Variants in SH3PXD2B observed in about 807,000 individuals in gnomAD.
The protein encoded by SH3PXD2B is SH3 and PX domain-containing protein 2B.
A neutral mutation model predicts 73.1 loss-of-function variants in SH3PXD2B; 37 were observed. The ratio of observed to expected loss-of-function variants is 0.51; its 90% CI spans 0.39 to 0.67. The LOEUF is 0.67. Among genes scored for constraint, SH3PXD2B ranks in the 30% least tolerant of loss-of-function variants. The probability of loss-of-function intolerance (pLI) is 0.00; values close to 1 mark genes in which losing one functional copy is unlikely to be tolerated. For missense variants in SH3PXD2B, 1,053 were observed against 1,197.8 expected, an observed-to-expected ratio of 0.88 and a Z score of 1.78; for synonymous variants, 457 against 480.5, an observed-to-expected ratio of 0.95 and a Z score of 0.64.
intron 8 of SH3PXD2B, among the ~76,000 whole-genome samples, chr5:172,354,397 G>A (rs544300161): frequency 4.6e-5 from 7 of 152,280 alleles, no homozygotes; most frequent in South Asian, 2.1e-4. Flanking sequence ...ATTGTGTTTC[G>A]TTCAGTGTGT....
At chr5:172,325,851 G>T (rs1009151153) in intron 12 of SH3PXD2B, among the ~76,000 whole-genome samples, 9 of 152,168 alleles carry the variant, frequency 5.9e-5, no homozygotes, top group Admixed American at 2.6e-4. Flanking sequence ...GCAATGACAC[G>T]ATCTCCGCTC....
chr5:172,369,498 A>C (rs1018156438), intron 6 of SH3PXD2B, among the ~76,000 whole-genome samples: 1 of 152,020 alleles, frequency 6.6e-6, no homozygotes, highest in Non-Finnish European at 1.5e-5. Flanking sequence ...TGCCGGGCGC[A>C]GTGGCTCACG....
chr5:172,384,702 G>A (rs1758021003), intron 4 of SH3PXD2B, among the ~76,000 whole-genome samples: 1 of 152,136 alleles, frequency 6.6e-6, no homozygotes, highest in Admixed American at 6.5e-5. Context: ...CCTTTTAAAG[G>A]CTGAGTAATA....
intron 3 of SH3PXD2B, among the ~76,000 whole-genome samples, chr5:172,405,188 T>C (rs1346517979): frequency 6.6e-6 from 1 of 152,242 alleles, no homozygotes; most frequent in African/African-American, 2.4e-5. Flanking sequence ...TAGGCATAAT[T>C]GCATTAAACG....
At chr5:172,328,393 C>T (rs944020052) in intron 12 of SH3PXD2B, among the ~76,000 whole-genome samples, 10 of 152,066 alleles carry the variant, frequency 6.6e-5, no homozygotes, top group South Asian at 4.1e-4. Context: ...TGTGAGCCAC[C>T]GCACCCAGCC....
At chr5:172,447,525 C>G (rs1242002936) in intron 1 of SH3PXD2B, among the ~76,000 whole-genome samples, 3 of 152,224 alleles carry the variant, frequency 2.0e-5, no homozygotes, top group Non-Finnish European at 4.4e-5. Flanking sequence ...CAATTACATG[C>G]TAGGCCCCTT....
chr5:172,354,155 C>G, intron 8 of SH3PXD2B, 150 bp from the exon 9 acceptor site: 1 of 734,170 alleles, frequency 1.4e-6, no homozygotes, highest in Non-Finnish European at 2.4e-6. Flanking sequence ...CCTGGACAGC[C>G]CTGTGCAAGC....
At chr5:172,409,825 C>T (rs1452199428) in intron 2 of SH3PXD2B, among the ~76,000 whole-genome samples, 1 of 152,218 alleles carries the variant, frequency 6.6e-6, no homozygotes, top group Admixed American at 6.5e-5. Flanking sequence ...AAGCGATTCT[C>T]CTGCCTCAGC....
intron 3 of SH3PXD2B, among the ~76,000 whole-genome samples, chr5:172,404,064 T>C (rs920269861): frequency 1.3e-5 from 2 of 152,214 alleles, no homozygotes; most frequent in African/African-American, 4.8e-5. Flanking sequence ...GGAAAGAAAA[T>C]TCCAGCATGG....
chr5:172,453,306 A>C (rs1416317772), intron 1 of SH3PXD2B, among the ~76,000 whole-genome samples: 1 of 151,986 alleles, frequency 6.6e-6, no homozygotes, highest in African/African-American at 2.4e-5. Flanking sequence ...TCTCACCGCC[A>C]GAGACACTAT....
chr5:172,437,156 C>A (rs1008673231), intron 1 of SH3PXD2B, among the ~76,000 whole-genome samples: 2 of 152,076 alleles, frequency 1.3e-5, no homozygotes, highest in African/African-American at 4.8e-5. Flanking sequence ...GGGAAAGCAA[C>A]AAGGGCAAGG....
intron 12 of SH3PXD2B, among the ~76,000 whole-genome samples, chr5:172,328,402 C>A (rs568149571): frequency 6.6e-6 from 1 of 152,136 alleles, no homozygotes; most frequent in Admixed American, 6.5e-5. Flanking sequence ...CCGCACCCAG[C>A]CGCCTAGGCT....
chr5:172,337,449 C>T lies in SH3PXD2B; in HGVS notation c.*920G>A. 5.1e-6 allele frequency: 5 copies of T among 983,448 alleles called. No individual in the cohort carries two copies. The highest frequency in any genetic ancestry group is 6.0e-6 in the Non-Finnish European group (5 of 828,158). 60.9% of individuals were successfully genotyped at this position (983,448 alleles called of 1,614,324 possible). A position where few individuals can be genotyped will look rare whatever the true frequency, so the allele number is the denominator to read the frequency against. ...ATCTATAAAGGGAGGTTGTGAGGGT[C>T]AAAGCATGAATGCAAAGCGCCAAGT... On this transcript the variant is annotated 3_prime_UTR_variant, in exon 13 of 13. Transcript: ENST00000311601.
intron 1 of SH3PXD2B, among the ~76,000 whole-genome samples, chr5:172,443,873 G>A (rs962978126): frequency 6.6e-6 from 1 of 152,210 alleles, no homozygotes; most frequent in South Asian, 2.1e-4. Context: ...ACGGAGGTCG[G>A]GGCTGGGAAA....
At chr5:172,332,424 T>C (rs1402578772), downstream of SH3PXD2B, among the ~76,000 whole-genome samples, 1 of 151,070 alleles carries the variant, frequency 6.6e-6, no homozygotes, top group Non-Finnish European at 1.5e-5. Flanking sequence ...TGGCTACTTT[T>C]TTTTTTTTTT....
At chr5:172,347,925 C>A (rs567012632) in intron 10 of SH3PXD2B, among the ~76,000 whole-genome samples, 1 of 152,146 alleles carries the variant, frequency 6.6e-6, no homozygotes, top group African/African-American at 2.4e-5. Context: ...TTTATACTCT[C>A]GAGGCAGCTG....
chr5:172,403,067 G>A (rs75035129), intron 3 of SH3PXD2B, among the ~76,000 whole-genome samples: 3,752 of 152,358 alleles, frequency 0.025, 181 homozygotes, highest in African/African-American at 0.086. Context: ...CCCGGCCTGT[G>A]CCTGACATGA....
intron 2 of SH3PXD2B, among the ~76,000 whole-genome samples, chr5:172,417,106 C>T (rs1054702439): frequency 6.6e-6 from 1 of 152,108 alleles, no homozygotes. Context: ...GTCCTGCCCC[C>T]GTTGGAGGGG....
At chr5:172,391,364 G>A (rs1170504096) in intron 4 of SH3PXD2B, among the ~76,000 whole-genome samples, 5 of 152,050 alleles carry the variant, frequency 3.3e-5, no homozygotes, top group East Asian at 1.9e-4. Flanking sequence ...CTTTAAAATC[G>A]GGTTGTCTTA....
Sources: gnomAD v4.1 joint callset for allele counts (sites outside exome capture counted in the v4.1 genomes callset) on GRCh38, gnomAD v4.1.1 for gene constraint, MANE v1.5 for transcripts, NCBI Gene and HGNC (gene_info 2026-07-23, HGNC 2026-07-21) for gene names.